OTOGL: variants seen among roughly 807,000 people sequenced by gnomAD.
The protein encoded by OTOGL is otogelin-like protein.
In OTOGL, 285 loss-of-function variants were observed where a neutral mutation model predicts 318.5. That is an observed-to-expected ratio of 0.89 (90% CI 0.81 to 0.99). OTOGL has a LOEUF of 0.99. Among genes scored for constraint, OTOGL ranks in the 50% least tolerant of loss-of-function variants. The probability of loss-of-function intolerance (pLI) is 0.00; values close to 1 mark genes in which losing one functional copy is unlikely to be tolerated. For synonymous variants in OTOGL, 987 were observed against 936.5 expected (o/e 1.05, Z -0.99); for missense variants, 2,899 against 2,845.6 (o/e 1.02, Z -0.43).
At chr12:80,125,954 CA>C (rs1870805992) in intron 1 of OTOGL, among the ~76,000 whole-genome samples, 1 of 151,952 alleles carries the variant, frequency 6.6e-6, no homozygotes, top group African/African-American at 2.4e-5. Context: ...GTCTTGCTAG[CA>C]GTCTATCAAT....
intron 1 of OTOGL, among the ~76,000 whole-genome samples, chr12:80,117,463 T>C (rs531593973): frequency 1.3e-5 from 2 of 152,188 alleles, no homozygotes; most frequent in African/African-American, 4.8e-5. Context: ...AGCTCCACAA[T>C]GCCCCTTGAA....
intron 51 of OTOGL, 24 bp downstream of exon 51, chr12:80,358,799 G>T (rs145638715): frequency 1.0e-5 from 16 of 1,576,762 alleles, no homozygotes; most frequent in East Asian, 4.5e-5. Flanking sequence ...ATATTTTAAG[G>T]TTTCATTATA....
At position 80,149,126 on chromosome 12, in the gene OTOGL, C is replaced by A. The variant is rs952717409; in HGVS notation, c.-20+49521C>A. On this transcript the variant is annotated intron_variant, in intron 1 of 58. Transcript: ENST00000547103. Reference sequence around the variant, plus strand: ...CTGCGTTCCTTTGGAGGAGGAGAGGCGCTCTGCTTTTTAGAGTTTCCAGTT... The same window carrying A: ...CTGCGTTCCTTTGGAGGAGGAGAGGAGCTCTGCTTTTTAGAGTTTCCAGTT... Among the ~76,000 whole-genome samples the A allele has an allele frequency of 5.9e-5, 9 of 152,294 alleles. No individual in the cohort carries two copies. In the East Asian group the frequency reaches 1.5e-3, roughly 26 times the overall value.
chr12:80,290,156 C>T (rs1326571980), intron 26 of OTOGL, among the ~76,000 whole-genome samples: 1 of 152,182 alleles, frequency 6.6e-6, no homozygotes, highest in Non-Finnish European at 1.5e-5. Context: ...GGTTCCCTGG[C>T]CCCTTGCACT....
At chr12:80,133,518 C>G (rs1489128630) in intron 1 of OTOGL, 1 of 151,990 alleles carries the variant, frequency 6.6e-6, no homozygotes, top group Non-Finnish European at 1.5e-5. Flanking sequence ...GTTTAGCATT[C>G]TGGTGTTTTT....
chr12:80,355,627 C>A, intron 46 of OTOGL, 109 bp from the exon 47 acceptor site: 1 of 775,936 alleles, frequency 1.3e-6, no homozygotes, highest in South Asian at 2.0e-5. Context: ...AGACTTGTGA[C>A]ACATCATTAT....
At chr12:80,192,303 G>T (rs576738737) in intron 1 of OTOGL, among the ~76,000 whole-genome samples, 12 of 152,262 alleles carry the variant, frequency 7.9e-5, no homozygotes, top group African/African-American at 2.9e-4. Flanking sequence ...GTTCTAGGAG[G>T]GGCCCCGCCT....
intron 24 of OTOGL, among the ~76,000 whole-genome samples, chr12:80,275,533 A>AT (rs1242563285): frequency 6.6e-6 from 1 of 151,970 alleles, no homozygotes; most frequent in Non-Finnish European, 1.5e-5. Flanking sequence ...ATAATAAAAG[A>AT]TTTAGAATAT....
At chr12:80,347,343 C>T (rs1398274247) in intron 44 of OTOGL, among the ~76,000 whole-genome samples, 1 of 151,924 alleles carries the variant, frequency 6.6e-6, no homozygotes, top group Non-Finnish European at 1.5e-5. Flanking sequence ...CTCCCTGTGT[C>T]CATGTGTTCT....
intron 7 of OTOGL, 82 bp downstream of exon 7, chr12:80,222,327 C>T: frequency 7.9e-7 from 1 of 1,273,352 alleles, no homozygotes; most frequent in South Asian, 1.6e-5. Flanking sequence ...GAAAATGATG[C>T]AAAATATATA....
intron 30 of OTOGL, 64 bp from the exon 31 acceptor site, chr12:80,313,412 C>A: frequency 6.9e-7 from 1 of 1,444,272 alleles, no homozygotes. Flanking sequence ...GTTTTTTAGA[C>A]GGTTGACTTT....
intron 1 of OTOGL, among the ~76,000 whole-genome samples, chr12:80,157,610 A>G (rs1873213618): frequency 2.0e-5 from 3 of 152,092 alleles, no homozygotes; most frequent in Admixed American, 6.6e-5. Context: ...GTATATGGTG[A>G]GAGATAGGGG....
intron 44 of OTOGL, among the ~76,000 whole-genome samples, chr12:80,348,871 T>G (rs947607048): frequency 1.3e-5 from 2 of 152,178 alleles, no homozygotes; most frequent in Admixed American, 1.3e-4. Flanking sequence ...TTCAATCCTT[T>G]TTAGCATGGT....
intron 1 of OTOGL, among the ~76,000 whole-genome samples, chr12:80,195,563 T>C (rs116776482): frequency 0.01 from 1,537 of 152,320 alleles, 26 homozygotes; most frequent in African/African-American, 0.035. Flanking sequence ...AGCCTAATAT[T>C]TGACTTATTA....
intron 27 of OTOGL, among the ~76,000 whole-genome samples, chr12:80,297,753 C>T (rs993362699): frequency 3.3e-5 from 5 of 152,314 alleles, no homozygotes; most frequent in African/African-American, 9.6e-5. Context: ...CCTCTGCTGC[C>T]TGCTCTTTCA....
intron 6 of OTOGL, among the ~76,000 whole-genome samples, chr12:80,220,811 A>G (rs1324821667): frequency 2.0e-5 from 3 of 152,158 alleles, no homozygotes; most frequent in Admixed American, 2.0e-4. Context: ...GGTGATAAAT[A>G]CACAACAGAT....
Position 80,271,617 on chromosome 12 carries a change from A to G in OTOGL, c.2519-31A>G, listed in dbSNP as rs4483657. ...ATCTCCCATGCCATGACAAAAAGTTAAGGACATTTTGTCTGTGCTTATATC... is the reference window on the plus strand; with the variant it reads ...ATCTCCCATGCCATGACAAAAAGTTGAGGACATTTTGTCTGTGCTTATATC... On this transcript the variant is annotated intron_variant, in intron 23 of 58. Transcript: ENST00000547103. 0.76 allele frequency: 1,218,769 copies of G among 1,594,884 alleles called. 467,646 individuals are homozygous for G. Among genetic ancestry groups the G allele is most frequent in the East Asian group, 0.91 (40,364 of 44,374 alleles).
chr12:80,259,628 C>T (rs1268447401), intron 18 of OTOGL, among the ~76,000 whole-genome samples: 4 of 151,834 alleles, frequency 2.6e-5, no homozygotes, highest in South Asian at 2.1e-4. Context: ...TGAGAACATG[C>T]GGTGATTGGT....
chr12:80,313,330 A>G lies in OTOGL; in HGVS notation c.3451-146A>G, dbSNP rs1886760126. 8 of 677,580 alleles carry G rather than the reference A, an allele frequency of 1.2e-5. No homozygotes were observed. In the East Asian group the frequency reaches 2.2e-4, roughly 19 times the overall value. The allele number at this position is 677,580 out of a possible 1,614,324, so 42.0% of individuals were successfully genotyped here. A position where few individuals can be genotyped will look rare whatever the true frequency, so the allele number is the denominator to read the frequency against. ...CATTTCTTTCTCCTTTGGGCAATAA[A>G]GAGGCTTTAAATAAAGAGAACTCTC... On this transcript the variant is annotated intron_variant, in intron 30 of 58. Transcript: ENST00000547103.
Sources: allele counts gnomAD v4.1 joint callset (sites outside exome capture counted in the v4.1 genomes callset), GRCh38; gene constraint gnomAD v4.1.1; transcripts MANE v1.5; gene names NCBI Gene and HGNC (gene_info 2026-07-23, HGNC 2026-07-21).